PLAAT3: variants seen among roughly 807,000 people sequenced by gnomAD.
The protein encoded by PLAAT3 is Ca-independent phospholipase A1/2.
In PLAAT3, 21 loss-of-function variants were observed where a neutral mutation model predicts 16.7. That is an observed-to-expected ratio of 1.26 (90% CI 0.89 to 1.81). The LOEUF (loss-of-function observed/expected upper bound fraction) is 1.81. Among genes scored for constraint, PLAAT3 ranks in the 40% most tolerant of loss-of-function variants. The pLI, the probability that PLAAT3 is intolerant of heterozygous loss-of-function variation, is 0.00. For missense variants in PLAAT3, 219 were observed against 213.7 expected (o/e 1.02, Z -0.16); for synonymous variants, 76 against 81.7 (o/e 0.93, Z 0.38).
In PLAAT3 at chr11:63,584,494, A is replaced by T. The variant is rs567661851; in HGVS notation, c.387+5606T>A. Among the ~76,000 whole-genome samples the T allele has an allele frequency of 2.0e-4, 29 of 145,770 alleles. 1 individual carries two copies. The highest frequency in any genetic ancestry group is 7.4e-4 in the African/African-American group (29 of 39,118). On this transcript the variant is annotated intron_variant, in intron 4 of 4. Transcript: ENST00000415826. The stretch of plus-strand genomic sequence containing the variant: ...CTTCTCAGGAAATTTGATTAATCAT[A>T]AACTTTTTTTTTTGTTTTTTTTTGT...
chr11:63,609,219 G>T (rs1183762706), intron 2 of PLAAT3, among the ~76,000 whole-genome samples: 1 of 152,206 alleles, frequency 6.6e-6, no homozygotes, highest in African/African-American at 2.4e-5. Flanking sequence ...CTGACGCCCT[G>T]GGGGGAAAGC....
intron 2 of PLAAT3, 122 bp downstream of exon 2, chr11:63,613,874 CAGAG>C (rs1219788560): frequency 4.5e-6 from 3 of 668,448 alleles, no homozygotes; most frequent in Non-Finnish European, 8.0e-6. Flanking sequence ...TCGCAGCTGA[CAGAG>C]GTGCGGGCCC....
chr11:63,601,158 C>T (rs1938419282), intron 2 of PLAAT3, among the ~76,000 whole-genome samples: 1 of 145,602 alleles, frequency 6.9e-6, no homozygotes, highest in African/African-American at 2.5e-5. Context: ...GGGTTCATGT[C>T]ATTCTCCCAC....
chr11:63,595,743 T>C (rs778690934), intron 3 of PLAAT3, among the ~76,000 whole-genome samples: 3 of 152,172 alleles, frequency 2.0e-5, no homozygotes, highest in Non-Finnish European at 2.9e-5. Context: ...TGCTTGTACA[T>C]TTTACAATAC....
At chr11:63,590,430 G>C in intron 3 of PLAAT3, 62 bp from the exon 4 acceptor site, 3 of 1,509,850 alleles carry the variant, frequency 2.0e-6, no homozygotes, top group Non-Finnish European at 2.7e-6. Context: ...GAGGCTCAGA[G>C]CTGGCCCCCA....
intron 2 of PLAAT3, among the ~76,000 whole-genome samples, chr11:63,606,320 TCACGCCTGTAATCCCAG>T (rs1413329750): frequency 1.1e-4 from 16 of 152,102 alleles, no homozygotes; most frequent in Admixed American, 1.0e-3. Context: ...GCGCGGTGGC[TCACGCCTGTAATCCCAG>T]CACGCTGGGA....
chr11:63,596,461 C>A (rs1938291766), intron 3 of PLAAT3, among the ~76,000 whole-genome samples: 1 of 151,796 alleles, frequency 6.6e-6, no homozygotes, highest in Non-Finnish European at 1.5e-5. Context: ...AAGCACATGA[C>A]ATTTATTGTG....
intron 4 of PLAAT3, among the ~76,000 whole-genome samples, chr11:63,580,933 G>C (rs906410448): frequency 6.6e-6 from 1 of 152,208 alleles, no homozygotes; most frequent in South Asian, 2.1e-4. Flanking sequence ...ACATTTATCA[G>C]TTCCCAAAAT....
At chr11:63,589,847 T>C (rs986361109) in intron 4 of PLAAT3, among the ~76,000 whole-genome samples, 3 of 152,088 alleles carry the variant, frequency 2.0e-5, no homozygotes, top group Non-Finnish European at 4.4e-5. Flanking sequence ...GGCTTGGCAA[T>C]GGGAATGATC....
chr11:63,614,226 G>T (rs1298808426), intron 1 of PLAAT3, 158 bp from the exon 2 acceptor site: 6 of 633,382 alleles, frequency 9.5e-6, no homozygotes, highest in Non-Finnish European at 1.4e-5. Context: ...GCCGGGGCCC[G>T]GCGGGCGCCC....
At chr11:63,602,969 C>T (rs1248415035) in intron 2 of PLAAT3, among the ~76,000 whole-genome samples, 2 of 152,046 alleles carry the variant, frequency 1.3e-5, no homozygotes, top group South Asian at 2.1e-4. Flanking sequence ...GGCAGGCTCC[C>T]GTAGTCCCAG....
At chr11:63,581,962 T>C (rs1483513648) in intron 4 of PLAAT3, among the ~76,000 whole-genome samples, 1 of 152,228 alleles carries the variant, frequency 6.6e-6, no homozygotes, top group Admixed American at 6.5e-5. Flanking sequence ...GAAAAGAATG[T>C]CAATGCTTTG....
intron 4 of PLAAT3, among the ~76,000 whole-genome samples, chr11:63,579,115 T>TG (rs1284906097): frequency 2.6e-5 from 4 of 151,966 alleles, no homozygotes; most frequent in Admixed American, 6.6e-5. Context: ...AAAAGACACA[T>TG]GAAAAAATGC....
At chr11:63,596,620 G>A (rs1184084473) in intron 3 of PLAAT3, among the ~76,000 whole-genome samples, 2 of 151,620 alleles carry the variant, frequency 1.3e-5, no homozygotes, top group African/African-American at 2.4e-5. Context: ...CAGATCATCA[G>A]GCATTAGATT....
intron 2 of PLAAT3, among the ~76,000 whole-genome samples, chr11:63,603,703 TACACACACACACACACACACACACAC>T (rs67821162): frequency 6.0e-5 from 7 of 117,096 alleles, no homozygotes; most frequent in South Asian, 5.6e-4. Context: ...TAAATTATCC[TACACACACACACACACACACACACAC>T]ACACACACAC....
chr11:63,597,453 G>A lies in PLAAT3; in HGVS notation c.118+608C>T, dbSNP rs549820633. Among the ~76,000 whole-genome samples the A allele has an allele frequency of 1.2e-4, 19 of 152,266 alleles. No individual in the cohort carries two copies. The East Asian group carries it at 2.9e-3, about 23-fold the overall frequency. On this transcript the variant is annotated intron_variant, in intron 3 of 4. Coordinates refer to ENST00000415826, the MANE Select transcript of PLAAT3 (RefSeq NM_001128203.2). Reference sequence around the variant, plus strand: ...AGGCAGGAGAATGGCGTAAACCCAGGAGGCGGAGCTTGCAGTAAGCCGAGA... The same window carrying A: ...AGGCAGGAGAATGGCGTAAACCCAGAAGGCGGAGCTTGCAGTAAGCCGAGA...
At chr11:63,597,763 C>T (rs1326987516) in intron 3 of PLAAT3, among the ~76,000 whole-genome samples, 4 of 152,232 alleles carry the variant, frequency 2.6e-5, no homozygotes, top group East Asian at 1.9e-4. Context: ...GATGAAGTTT[C>T]GCTCACTTGC....
chr11:63,603,025 G>A (rs1022943550), intron 2 of PLAAT3, among the ~76,000 whole-genome samples: 14 of 152,150 alleles, frequency 9.2e-5, no homozygotes, highest in African/African-American at 3.1e-4. Context: ...ACCCAGAGGC[G>A]GAGGTTGCAG....
At chr11:63,590,589 A>C (rs1938128210) in intron 3 of PLAAT3, among the ~76,000 whole-genome samples, 1 of 152,156 alleles carries the variant, frequency 6.6e-6, no homozygotes, top group Non-Finnish European at 1.5e-5. Flanking sequence ...TCCATGATTT[A>C]CTGTGATTTT....
Sources: allele counts gnomAD v4.1 joint callset (sites outside exome capture counted in the v4.1 genomes callset), GRCh38; gene constraint gnomAD v4.1.1; transcripts MANE v1.5; gene names NCBI Gene and HGNC (gene_info 2026-07-23, HGNC 2026-07-21).